Variants in PIGK observed in about 807,000 individuals in gnomAD.
The protein encoded by PIGK is GPI-anchor transamidase.
PIGK carries 42 observed loss-of-function variants against 50.6 expected under a neutral mutation model. That is an observed-to-expected ratio of 0.83 (90% CI 0.65 to 1.07). The LOEUF (loss-of-function observed/expected upper bound fraction) is 1.07. Ranked by LOEUF, PIGK falls within the 50% of genes least tolerant of loss-of-function variation. The pLI is 0.00. For missense variants in PIGK, 448 were observed against 488.7 expected, an observed-to-expected ratio of 0.92 and a Z score of 0.78; for synonymous variants, 151 against 156.0, an observed-to-expected ratio of 0.97 and a Z score of 0.24.
chr1:77,099,385 T>C (rs1288303017), intron 10 of PIGK, among the ~76,000 whole-genome samples: 1 of 152,160 alleles, frequency 6.6e-6, no homozygotes, highest in East Asian at 1.9e-4. Flanking sequence ...CTACAATGAG[T>C]ATGTCTTACT....
intron 10 of PIGK, among the ~76,000 whole-genome samples, chr1:77,108,039 A>G (rs1246227342): frequency 6.6e-6 from 1 of 152,040 alleles, no homozygotes; most frequent in African/African-American, 2.4e-5. Context: ...TTGACTCTTT[A>G]TCCAATTTGC....
chr1:77,208,427 G>C (rs774853363), intron 2 of PIGK, among the ~76,000 whole-genome samples: 12 of 152,148 alleles, frequency 7.9e-5, no homozygotes, highest in Non-Finnish European at 1.8e-4. Context: ...AGCAAGGAAG[G>C]CTTTCATATG....
intron 3 of PIGK, among the ~76,000 whole-genome samples, chr1:77,187,111 G>A (rs1242108146): frequency 1.3e-5 from 2 of 152,084 alleles, no homozygotes; most frequent in African/African-American, 4.8e-5. Context: ...TGCAGCAGTG[G>A]GCTCGTGCTC....
In PIGK at chr1:77,091,673, G is replaced by A. The variant is rs1440772618; in HGVS notation, c.*701C>T. The A allele has an allele frequency of 6.6e-6, 1 of 152,156 alleles. No homozygotes were observed. The highest frequency in any genetic ancestry group is 2.4e-5 in the African/African-American group (1 of 41,442). 9.4% of individuals were successfully genotyped at this position (152,156 alleles called of 1,614,324 possible). On this transcript the variant is annotated 3_prime_UTR_variant, in exon 11 of 11. Transcript: ENST00000370812. ...ACAAACATATAAGGTCCTGGAGATT[G>A]TCAGTGCCATAGATTAAAAAACCAA... is the stretch of plus-strand genomic sequence containing the variant.
In PIGK at chr1:77,089,424, G is replaced by A. The variant is rs950654218; in HGVS notation, c.*2950C>T. On this transcript the variant is annotated 3_prime_UTR_variant, in exon 11 of 11. Transcript: ENST00000370812. ...TTAAAACAGTATCTACTAAAGATGG[G>A]CTTAATTTTGGTAAAGTCAACTGAA... 6.6e-6 allele frequency: 1 copy of A among 152,230 alleles called. No homozygotes were observed. Among genetic ancestry groups the A allele is most frequent in the Non-Finnish European group, 1.5e-5 (1 of 68,034 alleles). The allele number at this position is 152,230 out of a possible 1,614,324, so 9.4% of individuals were successfully genotyped here. A position where few individuals can be genotyped will look rare whatever the true frequency, so the allele number is the denominator to read the frequency against.
intron 7 of PIGK, 49 bp downstream of exon 7, chr1:77,161,545 A>G: frequency 1.0e-6 from 1 of 983,266 alleles, no homozygotes; most frequent in Admixed American, 1.7e-5. Context: ...TTTCAGAAAT[A>G]GCTGCACATT....
chr1:77,186,377 C>G (rs1655742269), intron 3 of PIGK, among the ~76,000 whole-genome samples: 1 of 152,212 alleles, frequency 6.6e-6, no homozygotes, highest in South Asian at 2.1e-4. Context: ...AGCAGTGCAC[C>G]TGGTTGTGCA....
chr1:77,153,608 A>T (rs944841237), intron 9 of PIGK: 4 of 151,580 alleles, frequency 2.6e-5, no homozygotes. Context: ...TACCCCAAAA[A>T]TATGTACAAA....
intron 3 of PIGK, among the ~76,000 whole-genome samples, chr1:77,190,429 G>A (rs1655877001): frequency 6.6e-6 from 1 of 151,988 alleles, no homozygotes; most frequent in Non-Finnish European, 1.5e-5. Context: ...AAGAAAAAAG[G>A]ATTTAATGAT....
At chr1:77,135,976 C>T (rs1366111314) in intron 9 of PIGK, among the ~76,000 whole-genome samples, 2 of 152,052 alleles carry the variant, frequency 1.3e-5, no homozygotes, top group African/African-American at 4.8e-5. Context: ...TCACATTTTA[C>T]CAATTTATTA....
chr1:77,095,135 T>A (rs1327173403), intron 10 of PIGK, among the ~76,000 whole-genome samples: 1 of 152,146 alleles, frequency 6.6e-6, no homozygotes, highest in African/African-American at 2.4e-5. Context: ...ATGAACTAAA[T>A]GCACTTTGGA....
intron 8 of PIGK, among the ~76,000 whole-genome samples, chr1:77,159,468 C>A (rs756686729): frequency 6.6e-6 from 1 of 152,144 alleles, no homozygotes. Context: ...CCTCCAGGTC[C>A]CAGAATGGTA....
At chr1:77,135,907 AT>A (rs2100539031) in intron 9 of PIGK, among the ~76,000 whole-genome samples, 1 of 152,180 alleles carries the variant, frequency 6.6e-6, no homozygotes, top group South Asian at 2.1e-4. Context: ...CCAAATAATT[AT>A]TGTCATTGTC....
At chr1:77,158,892 A>G (rs1402571085) in intron 8 of PIGK, among the ~76,000 whole-genome samples, 1 of 152,202 alleles carries the variant, frequency 6.6e-6, no homozygotes, top group Non-Finnish European at 1.5e-5. Context: ...TGACAATGCA[A>G]TAAAAAATAA....
At chr1:77,172,450 T>C (rs1302128443) in intron 3 of PIGK, among the ~76,000 whole-genome samples, 1 of 152,198 alleles carries the variant, frequency 6.6e-6, no homozygotes, top group Non-Finnish European at 1.5e-5. Flanking sequence ...CTGAATCTGC[T>C]GTGATTCTGG....
chr1:77,207,050 G>C (rs1451886645), intron 2 of PIGK, among the ~76,000 whole-genome samples: 2 of 152,024 alleles, frequency 1.3e-5, no homozygotes, highest in East Asian at 3.9e-4. Context: ...ACCTGTAGTT[G>C]CAGCTACTTG....
At chr1:77,107,110 T>A (rs1237324488) in intron 10 of PIGK, among the ~76,000 whole-genome samples, 2 of 152,208 alleles carry the variant, frequency 1.3e-5, no homozygotes. Context: ...CTGATCTTAG[T>A]TATTTCTTGC....
At chr1:77,157,335 G>C (rs556274422) in intron 8 of PIGK, among the ~76,000 whole-genome samples, 1 of 152,260 alleles carries the variant, frequency 6.6e-6, no homozygotes, top group East Asian at 1.9e-4. Context: ...AATAAAGGTG[G>C]TAGGGTAAGA....
chr1:77,189,709 A>G (rs1272600189), intron 3 of PIGK, among the ~76,000 whole-genome samples: 1 of 14,446 alleles, frequency 6.9e-5, no homozygotes, highest in African/African-American at 2.2e-4. Flanking sequence ...ATATATATAT[A>G]TATATATATA....
Sources: gnomAD v4.1 joint callset for allele counts (sites outside exome capture counted in the v4.1 genomes callset) on GRCh38, gnomAD v4.1.1 for gene constraint, MANE v1.5 for transcripts, NCBI Gene and HGNC (gene_info 2026-07-23, HGNC 2026-07-21) for gene names.